Variants in NELL1 observed in about 807,000 individuals in gnomAD.
NELL1 encodes neural EGFL like 1, also known as protein kinase C-binding protein NELL1.
A neutral mutation model predicts 107.4 loss-of-function variants in NELL1; 76 were observed. That is an observed-to-expected ratio of 0.71 (90% CI 0.59 to 0.86). NELL1 has a LOEUF of 0.86. Ranked by LOEUF, NELL1 falls within the 40% of genes least tolerant of loss-of-function variation. The pLI, the probability that NELL1 is intolerant of heterozygous loss-of-function variation, is 0.00. For missense variants in NELL1, 1,024 were observed against 1,005.5 expected (o/e 1.02, Z -0.25); for synonymous variants, 353 against 341.2 (o/e 1.03, Z -0.38).
In NELL1 at chr11:20,937,817, A is replaced by G; in HGVS notation, c.1029A>G (p.Ala343=). Residue 343 remains alanine (A), a synonymous_variant, in exon 10 of 20, where the codon GCA becomes GCG. Transcript: ENST00000357134. ...PKCIYGGKVL[A]EGQRILTKSC... ...GTATCTATGGAGGAAAAGTTCTTGC[A>G]GAAGGCCAGCGGATTTTAACCAAGA... is the stretch of plus-strand genomic sequence containing the variant. 1 of 1,614,130 alleles carries G rather than the reference A, an allele frequency of 6.2e-7. No individual in the cohort carries two copies. The highest frequency in any genetic ancestry group is 2.2e-5 in the East Asian group (1 of 44,876).
At chr11:21,023,949 T>A (rs1016451872) in intron 12 of NELL1, among the ~76,000 whole-genome samples, 4 of 152,150 alleles carry the variant, frequency 2.6e-5, no homozygotes, top group African/African-American at 9.6e-5. Flanking sequence ...CAGTGTTGCA[T>A]AGAAACTATT....
intron 12 of NELL1, among the ~76,000 whole-genome samples, chr11:20,990,886 A>G (rs1851957112): frequency 6.6e-6 from 1 of 152,158 alleles, no homozygotes; most frequent in Admixed American, 6.5e-5. Context: ...TCAACATCCA[A>G]TTGCACTGGC....
At chr11:21,337,398 T>C (rs1850428590) in intron 14 of NELL1, among the ~76,000 whole-genome samples, 1 of 152,202 alleles carries the variant, frequency 6.6e-6, no homozygotes, top group Admixed American at 6.5e-5. Flanking sequence ...TAAAAGTGTA[T>C]TTCTTGCTCA....
At chr11:20,760,165 C>T (rs558333569) in intron 2 of NELL1, among the ~76,000 whole-genome samples, 1 of 152,306 alleles carries the variant, frequency 6.6e-6, no homozygotes, top group Admixed American at 6.5e-5. Context: ...AGCACTGGGC[C>T]TCAACTTAGC....
At chr11:21,402,028 A>G (rs1387980518) in intron 15 of NELL1, among the ~76,000 whole-genome samples, 1 of 151,754 alleles carries the variant, frequency 6.6e-6, no homozygotes, top group Non-Finnish European at 1.5e-5. Context: ...AATCTTAGAA[A>G]AGTCTTCAAA....
chr11:21,028,922 C>T (rs1279153527), intron 12 of NELL1, among the ~76,000 whole-genome samples: 5 of 152,060 alleles, frequency 3.3e-5, no homozygotes, highest in Non-Finnish European at 7.4e-5. Context: ...CTGCTCTTTC[C>T]CTCTGGTGGT....
chr11:20,829,263 GT>G (rs1173940075), intron 3 of NELL1, among the ~76,000 whole-genome samples: 1 of 105,784 alleles, frequency 9.5e-6, no homozygotes, highest in Non-Finnish European at 1.8e-5. Flanking sequence ...GTCTTGTTCT[GT>G]TGCCCACGCT....
intron 3 of NELL1, among the ~76,000 whole-genome samples, chr11:20,788,324 G>A (rs1482730314): frequency 1.3e-5 from 2 of 152,170 alleles, no homozygotes; most frequent in East Asian, 1.9e-4. Context: ...CCGAAGCAGC[G>A]TTTGAGGGTT....
chr11:21,464,134 T>C (rs1177252574), intron 15 of NELL1, among the ~76,000 whole-genome samples: 1 of 151,972 alleles, frequency 6.6e-6, no homozygotes, highest in Non-Finnish European at 1.5e-5. Flanking sequence ...GCTTTGGAAA[T>C]CAAATATACT....
At chr11:20,728,498 G>A (rs555600655) in intron 2 of NELL1, among the ~76,000 whole-genome samples, 1 of 152,036 alleles carries the variant, frequency 6.6e-6, no homozygotes, top group African/African-American at 2.4e-5. Flanking sequence ...ATAGTGAAAG[G>A]TAGGTGTCTG....
chr11:21,312,718 A>C (rs1849775981), intron 14 of NELL1, among the ~76,000 whole-genome samples: 1 of 152,164 alleles, frequency 6.6e-6, no homozygotes, highest in Admixed American at 6.6e-5. Context: ...GAATTGCCAC[A>C]ACTACACATA....
intron 12 of NELL1, among the ~76,000 whole-genome samples, chr11:21,104,850 C>T (rs184568641): frequency 3.0e-4 from 46 of 152,262 alleles, no homozygotes; most frequent in Middle Eastern, 6.8e-3. Flanking sequence ...ATAGTCTGGG[C>T]GCCAGCATGG....
intron 14 of NELL1, among the ~76,000 whole-genome samples, chr11:21,324,864 C>T (rs1045006864): frequency 4.6e-5 from 7 of 152,072 alleles, no homozygotes; most frequent in Non-Finnish European, 7.4e-5. Flanking sequence ...TGACTCTTCA[C>T]TGAGAAATGC....
At chr11:21,475,650 C>A (rs1443228344) in intron 15 of NELL1, among the ~76,000 whole-genome samples, 1 of 152,188 alleles carries the variant, frequency 6.6e-6, no homozygotes, top group Non-Finnish European at 1.5e-5. Flanking sequence ...TACAGTGGAT[C>A]TGGAGCAAAG....
At chr11:21,127,271 A>T (rs1855507266) in intron 13 of NELL1, among the ~76,000 whole-genome samples, 1 of 152,150 alleles carries the variant, frequency 6.6e-6, no homozygotes, top group Non-Finnish European at 1.5e-5. Flanking sequence ...GTATATTAAT[A>T]CTATAGTAAC....
intron 12 of NELL1, among the ~76,000 whole-genome samples, chr11:21,062,815 T>G (rs1211067931): frequency 6.6e-6 from 1 of 151,860 alleles, no homozygotes; most frequent in East Asian, 2.0e-4. Context: ...TTTGTTTGTT[T>G]GTTTATTTAT....
At chr11:21,535,928 T>C (rs1468278737) in intron 16 of NELL1, among the ~76,000 whole-genome samples, 1 of 152,100 alleles carries the variant, frequency 6.6e-6, no homozygotes, top group Non-Finnish European at 1.5e-5. Flanking sequence ...TAGGAACAGG[T>C]CAAATGGCTA....
chr11:21,573,261 G>A lies in NELL1; in HGVS notation c.2234G>A (p.Cys745Tyr). 1 of 1,612,500 alleles carries A rather than the reference G, an allele frequency of 6.2e-7. No homozygotes were observed. Among genetic ancestry groups the A allele is most frequent in the Non-Finnish European group, 8.5e-7 (1 of 1,179,050 alleles). ...CEYTAILEGE[C>Y]CPRCVSDPCL... is the part of the protein sequence containing the mutation. ...TATACAGCTATCTTAGAAGGGGAAT[G>A]TTGTCCCCGCTGTGTCAGTGACCCC... Residue 745 changes from cysteine to tyrosine, a missense_variant, in exon 19 of 20, where the codon TGT becomes TAT. Physicochemically the swap from Cys to Tyr is radical, Grantham distance 194. Transcript: ENST00000357134.
At chr11:21,476,169 CT>C (rs1427159073) in intron 15 of NELL1, among the ~76,000 whole-genome samples, 2 of 152,094 alleles carry the variant, frequency 1.3e-5, no homozygotes, top group Non-Finnish European at 2.9e-5. Context: ...GAAGGTTATT[CT>C]GTAAAAATAT....
Sources: allele counts gnomAD v4.1 joint callset (sites outside exome capture counted in the v4.1 genomes callset), GRCh38; gene constraint gnomAD v4.1.1; transcripts MANE v1.5; gene names NCBI Gene and HGNC (gene_info 2026-07-23, HGNC 2026-07-21).